SNTG2: variants seen among roughly 807,000 people sequenced by gnomAD.
SNTG2 encodes the protein syntrophin gamma 2.
A neutral mutation model predicts 70.9 loss-of-function variants in SNTG2; 74 were observed. The observed-to-expected ratio is 1.04, with a 90% CI of 0.86 to 1.27. The LOEUF is 1.27. SNTG2 is among the 50% of genes most tolerant of loss of function. The pLI is 0.00. For synonymous variants in SNTG2, 278 were observed against 273.8 expected, an observed-to-expected ratio of 1.02 and a Z score of -0.15; for missense variants, 717 against 690.7, an observed-to-expected ratio of 1.04 and a Z score of -0.43.
chr2:1,083,449 C>G (rs568551782), intron 1 of SNTG2, 69 bp from the exon 2 acceptor site: 1 of 1,561,102 alleles, frequency 6.4e-7, no homozygotes, highest in Non-Finnish European at 8.8e-7. Flanking sequence ...AGGAGGCGTG[C>G]GTCACCTATC....
chr2:1,207,949 C>T (rs1174285703), intron 8 of SNTG2, among the ~76,000 whole-genome samples: 2 of 152,224 alleles, frequency 1.3e-5, no homozygotes, highest in East Asian at 3.9e-4. Context: ...ACATAGTGAA[C>T]ATCCAGCAGC....
chr2:1,254,810 C>T (rs1280774618), intron 12 of SNTG2, among the ~76,000 whole-genome samples: 1 of 152,152 alleles, frequency 6.6e-6, no homozygotes, highest in African/African-American at 2.4e-5. Flanking sequence ...GTCTACCATC[C>T]GTTACGTCTC....
intron 14 of SNTG2, among the ~76,000 whole-genome samples, chr2:1,307,525 C>T (rs1376348076): frequency 6.6e-6 from 1 of 151,830 alleles, no homozygotes; most frequent in East Asian, 1.9e-4. Flanking sequence ...ACCCATTTCC[C>T]ACAAGAGTAA....
chr2:1,092,291 TC>T (rs1665082968), intron 2 of SNTG2, among the ~76,000 whole-genome samples: 1 of 152,042 alleles, frequency 6.6e-6, no homozygotes, highest in African/African-American at 2.4e-5. Flanking sequence ...CCCTCGCCTT[TC>T]CCACATCTCC....
At chr2:1,302,189 G>A (rs1680482027) in intron 14 of SNTG2, among the ~76,000 whole-genome samples, 1 of 152,040 alleles carries the variant, frequency 6.6e-6, no homozygotes. Flanking sequence ...TCGATCTCCT[G>A]AGCTCGTGAT....
At chr2:996,481 A>C (rs558750687) in intron 1 of SNTG2, among the ~76,000 whole-genome samples, 2 of 152,116 alleles carry the variant, frequency 1.3e-5, no homozygotes, top group Non-Finnish European at 2.9e-5. Flanking sequence ...TTGTGACTTC[A>C]TCTAAATCAA....
At chr2:956,055 G>A (rs192071104) in intron 1 of SNTG2, among the ~76,000 whole-genome samples, 13 of 60,964 alleles carry the variant, frequency 2.1e-4, no homozygotes, top group African/African-American at 5.5e-4. Context: ...CCCTGCCCCT[G>A]CCCCTACCCC....
intron 4 of SNTG2, among the ~76,000 whole-genome samples, chr2:1,134,141 C>A (rs895434621): frequency 6.6e-6 from 1 of 152,066 alleles, no homozygotes; most frequent in Non-Finnish European, 1.5e-5. Flanking sequence ...AAGCTGGAGA[C>A]CTTTGCGGTG....
intron 10 of SNTG2, among the ~76,000 whole-genome samples, chr2:1,239,297 C>T (rs1346078961): frequency 2.0e-5 from 3 of 152,204 alleles, no homozygotes; most frequent in East Asian, 1.9e-4. Context: ...TATGATTCTG[C>T]ACCTCCACTT....
intron 6 of SNTG2, among the ~76,000 whole-genome samples, chr2:1,144,121 C>T (rs28362094): frequency 6.6e-6 from 1 of 151,916 alleles, no homozygotes; most frequent in East Asian, 1.9e-4. Context: ...CTCCTCTTTA[C>T]CTCCTAAATC....
At chr2:1,122,722 CA>C (rs60163290) in intron 4 of SNTG2, among the ~76,000 whole-genome samples, 2,147 of 121,656 alleles carry the variant, frequency 0.018, 14 homozygotes, top group African/African-American at 0.041. Context: ...AGCAATCAGA[CA>C]AAAAAAAAAA....
intron 1 of SNTG2, among the ~76,000 whole-genome samples, chr2:1,020,870 A>G (rs998498803): frequency 2.0e-5 from 3 of 152,166 alleles, no homozygotes; most frequent in African/African-American, 7.2e-5. Flanking sequence ...AGACAGCATG[A>G]AAATATCCTA....
At chr2:1,203,666 A>AT (rs201877447) in intron 8 of SNTG2, among the ~76,000 whole-genome samples, 1 of 134,298 alleles carries the variant, frequency 7.4e-6, no homozygotes, top group African/African-American at 2.7e-5. Context: ...AAACAAACAA[A>AT]AAAAAAAATA....
intron 14 of SNTG2, among the ~76,000 whole-genome samples, chr2:1,271,278 T>C (rs1011064410): frequency 7.2e-5 from 11 of 152,280 alleles, no homozygotes; most frequent in African/African-American, 2.4e-4. Flanking sequence ...CTTCAAACTG[T>C]TTTTACACAT....
intron 8 of SNTG2, among the ~76,000 whole-genome samples, chr2:1,206,218 C>A (rs1376546091): frequency 6.6e-6 from 1 of 152,164 alleles, no homozygotes; most frequent in Non-Finnish European, 1.5e-5. Flanking sequence ...ACATGAACTC[C>A]CTCAGAGTGG....
chr2:1,010,192 G>A (rs1043639630), intron 1 of SNTG2, among the ~76,000 whole-genome samples: 4 of 152,198 alleles, frequency 2.6e-5, no homozygotes, highest in East Asian at 3.9e-4. Flanking sequence ...TGAATGTGGC[G>A]TGAGCACTTA....
At chr2:1,243,930 G>T (rs1677218888) in intron 11 of SNTG2, among the ~76,000 whole-genome samples, 1 of 152,198 alleles carries the variant, frequency 6.6e-6, no homozygotes, top group Admixed American at 6.5e-5. Flanking sequence ...GGAGGCTGAG[G>T]CAGGAGAATC....
intron 11 of SNTG2, among the ~76,000 whole-genome samples, chr2:1,243,449 T>C (rs1677178570): frequency 6.6e-6 from 1 of 152,198 alleles, no homozygotes; most frequent in South Asian, 2.1e-4. Context: ...ATTCCACCCT[T>C]GATCAAGTTC....
intron 16 of SNTG2, chr2:1,341,667 T>C (rs1660095345): frequency 1.3e-5 from 2 of 152,134 alleles, no homozygotes; most frequent in Admixed American, 1.3e-4. Flanking sequence ...AAAGAAGCTT[T>C]CTCAGTCAAA....
Sources: allele counts gnomAD v4.1 joint callset (sites outside exome capture counted in the v4.1 genomes callset), GRCh38; gene constraint gnomAD v4.1.1; transcripts MANE v1.5; gene names NCBI Gene and HGNC (gene_info 2026-07-23, HGNC 2026-07-21).